Variants in NXPE3 observed in about 807,000 individuals in gnomAD.
NXPE3 encodes neurexophilin and PC-esterase domain family member 3, also known as NXPE family member 3.
A neutral mutation model predicts 46.1 loss-of-function variants in NXPE3; 26 were observed. That is an observed-to-expected ratio of 0.56 (90% confidence interval 0.41 to 0.78). The LOEUF (loss-of-function observed/expected upper bound fraction) is 0.78. NXPE3 is among the 30% of genes least tolerant of loss of function. NXPE3 has a pLI of 0.00. For missense variants in NXPE3, 620 were observed against 686.0 expected (o/e 0.90, Z 1.07); for synonymous variants, 272 against 257.9 (o/e 1.05, Z -0.52).
Position 101,785,510 on chromosome 3 carries a change from C to T in NXPE3, c.-87C>T, listed in dbSNP as rs1940104483. 1 of 1,155,368 alleles carries T rather than the reference C, an allele frequency of 8.7e-7. No individual in the cohort carries two copies. 71.6% of individuals were successfully genotyped at this position (1,155,368 alleles called of 1,614,324 possible). A position where few individuals can be genotyped will look rare whatever the true frequency, so the allele number is the denominator to read the frequency against. ...GAAGCAAATGAAACTGAAAGCTCAT[C>T]TGCAGCTCAGAAAAGCAAAGACATG... On this transcript the variant is annotated 5_prime_UTR_variant, in exon 4 of 8. Transcript: ENST00000273347.
intron 6 of NXPE3, among the ~76,000 whole-genome samples, chr3:101,808,818 G>GATACATAT (rs1553802986): frequency 3.2e-5 from 1 of 30,814 alleles, no homozygotes; most frequent in African/African-American, 1.2e-4. Context: ...AATTTTAGAG[G>GATACATAT]ATATATATAT....
At chr3:101,813,752 A>T (rs1023931288) in intron 6 of NXPE3, among the ~76,000 whole-genome samples, 1 of 152,328 alleles carries the variant, frequency 6.6e-6, no homozygotes, top group Admixed American at 6.5e-5. Context: ...CCATGTGAAT[A>T]GTACATTAGG....
intron 7 of NXPE3, among the ~76,000 whole-genome samples, chr3:101,820,292 A>G (rs576657878): frequency 6.6e-6 from 1 of 152,362 alleles, no homozygotes; most frequent in Admixed American, 6.5e-5. Flanking sequence ...ATCACTGATC[A>G]TTAGAGCAAT....
chr3:101,810,179 C>T (rs1941644398), intron 6 of NXPE3, among the ~76,000 whole-genome samples: 1 of 152,136 alleles, frequency 6.6e-6, no homozygotes. Flanking sequence ...TTTCCCAGTG[C>T]CAGAATTACT....
chr3:101,818,889 C>T (rs1942119999), intron 7 of NXPE3, among the ~76,000 whole-genome samples: 1 of 149,156 alleles, frequency 6.7e-6, no homozygotes, highest in Non-Finnish European at 1.5e-5. Context: ...CCTCAGCCTC[C>T]CAAGTAGCTG....
Position 101,822,966 on chromosome 3 carries a change from G to T in NXPE3, c.*1012G>T, listed in dbSNP as rs1466408521. On this transcript the variant is annotated 3_prime_UTR_variant, in exon 8 of 8. Transcript: ENST00000273347. ...TGTTTGTTTGTTTGTTTGTTTTTTG[G>T]TATTTCTTGATTTGGGCATAAAAGG... The T allele has an allele frequency of 6.6e-6, 1 of 151,716 alleles. No homozygotes were observed. Among genetic ancestry groups the T allele is most frequent in the Non-Finnish European group, 1.5e-5 (1 of 67,934 alleles). The allele number at this position is 151,716 out of a possible 1,614,324, so 9.4% of individuals were successfully genotyped here.
intron 3 of NXPE3, among the ~76,000 whole-genome samples, chr3:101,784,592 A>G (rs1011415239): frequency 2.0e-5 from 3 of 152,162 alleles, no homozygotes; most frequent in African/African-American, 7.2e-5. Flanking sequence ...CCTTCATGGA[A>G]AGTCTCCCTG....
rs973300571 is a variant in NXPE3 at position 101,822,717 on chromosome 3, A to C, written c.*763A>C. On this transcript the variant is annotated 3_prime_UTR_variant, in exon 8 of 8. Transcript: ENST00000273347. ...ACTACTTTTGGAACTGGAAGGGGGA[A>C]ATCTGTAAATGGAAATTTATTTTTA... The C allele has an allele frequency of 4.6e-5, 7 of 152,168 alleles. No individual in the cohort carries two copies. Among genetic ancestry groups the C allele is most frequent in the African/African-American group, 1.7e-4 (7 of 41,434 alleles). The allele number at this position is 152,168 out of a possible 1,614,324, so 9.4% of individuals were successfully genotyped here.
chr3:101,825,857 G>T lies in NXPE3; in HGVS notation c.*3903G>T, dbSNP rs1377636675. ...TTAATGTAGTGAATCTCATATTCCA[G>T]AACTGAGATGATTGATTTGATGCTA... is the stretch of plus-strand genomic sequence containing the variant. On this transcript the variant is annotated 3_prime_UTR_variant, in exon 8 of 8. Transcript: ENST00000273347. The T allele has an allele frequency of 6.6e-6, 1 of 152,196 alleles. No homozygotes were observed. Among genetic ancestry groups the T allele is most frequent in the Non-Finnish European group, 1.5e-5 (1 of 68,044 alleles). The allele number at this position is 152,196 out of a possible 1,614,324, so 9.4% of individuals were successfully genotyped here.
At position 101,785,688 on chromosome 3, in the gene NXPE3, A is replaced by G; in HGVS notation, c.92A>G (p.Glu31Gly). The G allele has an allele frequency of 6.2e-7, 1 of 1,612,906 alleles. No homozygotes were observed. The change falls in exon 4 of 8, where the codon GAG becomes GGG. Residue 31 changes from glutamate (E) to glycine (G), a missense_variant and splice_region_variant. Glu to Gly is a moderately conservative substitution (Grantham distance 98, BLOSUM62 -2). Transcript: ENST00000273347. ...VVLVINVTQV[E>G]YLDHETVSAT... The stretch of plus-strand genomic sequence containing the variant: ...CTGGTCATCAATGTTACTCAGGTAG[A>G]GGTGAGTACCCAGTATAATCCCTCA...
rs6797522 is a variant in NXPE3 at position 101,824,759 on chromosome 3, G to A, written c.*2805G>A. 0.31 allele frequency: 46,984 copies of A among 152,018 alleles called. 7,903 individuals carry two copies. The highest frequency in any genetic ancestry group is 0.45 in the Middle Eastern group (133 of 294). 9.4% of individuals were successfully genotyped at this position (152,018 alleles called of 1,614,324 possible). On this transcript the variant is annotated 3_prime_UTR_variant, in exon 8 of 8. Transcript: ENST00000273347. ...TGCCCAGCTGAGAGTTTTTCTTGTC[G>A]TGAAAGAACTTGACATTTCCTCAAG...
At chr3:101,815,326 G>C (rs1242715874) in intron 6 of NXPE3, among the ~76,000 whole-genome samples, 1 of 152,170 alleles carries the variant, frequency 6.6e-6, no homozygotes, top group Admixed American at 6.5e-5. Flanking sequence ...ATATTAAGTG[G>C]TGTTTTTTTG....
intron 4 of NXPE3, among the ~76,000 whole-genome samples, chr3:101,791,270 T>A (rs1370634608): frequency 6.6e-6 from 1 of 152,246 alleles, no homozygotes; most frequent in Non-Finnish European, 1.5e-5. Context: ...ACAAAAGATA[T>A]GATCTCTTTC....
Position 101,821,968 on chromosome 3 carries a change from G to A in NXPE3, c.*14G>A, listed in dbSNP as rs914080061. 11 of 1,603,648 alleles carry A rather than the reference G, an allele frequency of 6.9e-6. No homozygotes were observed. Among genetic ancestry groups the A allele is most frequent in the Non-Finnish European group, 9.4e-6 (11 of 1,172,402 alleles). On this transcript the variant is annotated 3_prime_UTR_variant, in exon 8 of 8. Coordinates refer to ENST00000273347, the MANE Select transcript of NXPE3 (RefSeq NM_145037.4). The stretch of plus-strand genomic sequence containing the variant: ...TTGGAAACCTAGCCTGTCTTGGAAG[G>A]GACTGGAGGAATCATATTCAATGAC...
In NXPE3 at chr3:101,794,670, C is replaced by CA. The variant is rs958731052; in HGVS notation, c.94-6558dup. On this transcript the variant is annotated intron_variant, in intron 4 of 7. Coordinates refer to ENST00000273347, the MANE Select transcript of NXPE3 (RefSeq NM_145037.4). ...TCAACACACAAAGTATTATAATAGA[C>CA]AAAAAAAGATAGTTGTGTAGTTCTT... Among the ~76,000 whole-genome samples the CA allele has an allele frequency of 5.3e-5, 8 of 151,762 alleles. 1 individual carries two copies. The East Asian group carries it at 5.8e-4, about 11-fold the overall frequency.
At chr3:101,808,488 A>G (rs556688088) in intron 6 of NXPE3, among the ~76,000 whole-genome samples, 6 of 152,218 alleles carry the variant, frequency 3.9e-5, no homozygotes, top group African/African-American at 1.4e-4. Context: ...GACCATCTCA[A>G]GGGGCAGCCT....
intron 4 of NXPE3, among the ~76,000 whole-genome samples, chr3:101,795,410 C>T (rs565261243): frequency 2.4e-4 from 36 of 151,322 alleles, no homozygotes; most frequent in African/African-American, 7.8e-4. Flanking sequence ...CCTAGCTACT[C>T]GGGAGGCTGA....
Position 101,821,880 on chromosome 3 carries a change from C to T in NXPE3, c.1606C>T (p.Leu536=), listed in dbSNP as rs1560071620. The change falls in exon 8 of 8, where the codon CTG becomes TTG. Residue 536 remains leucine (L), a synonymous_variant. Coordinates refer to ENST00000273347, the MANE Select transcript of NXPE3 (RefSeq NM_145037.4). ...CCTGGCCCATTATCTACCGCACAAG[C>T]TGCATCCAGATGAAGTTATTGTGAA... ...MTLAHYLPHK[L]HPDEVIVKNQ... The T allele has an allele frequency of 1.2e-6, 2 of 1,614,196 alleles. No homozygotes were observed. The highest frequency in any genetic ancestry group is 4.5e-5 in the East Asian group (2 of 44,888).
At chr3:101,781,030 A>G (rs565167152) in intron 1 of NXPE3, among the ~76,000 whole-genome samples, 1 of 152,318 alleles carries the variant, frequency 6.6e-6, no homozygotes, top group East Asian at 1.9e-4. Context: ...CCCTGTTTCA[A>G]GGTCTTACTC....
Sources: gnomAD v4.1 joint callset for allele counts (sites outside exome capture counted in the v4.1 genomes callset) on GRCh38, gnomAD v4.1.1 for gene constraint, MANE v1.5 for transcripts, NCBI Gene and HGNC (gene_info 2026-07-23, HGNC 2026-07-21) for gene names.